Variants in DGKI observed in about 807,000 individuals in gnomAD.
The protein encoded by DGKI is diacylglycerol kinase iota.
Under a neutral mutation model 147.5 loss-of-function variants are expected in DGKI, and 55 were observed. That is an observed-to-expected ratio of 0.37 (90% confidence interval 0.30 to 0.47). The LOEUF is 0.47. Ranked by LOEUF, DGKI falls within the 20% of genes least tolerant of loss-of-function variation. The pLI, the probability that DGKI is intolerant of heterozygous loss-of-function variation, is 1.00. For missense variants in DGKI, 1,007 were observed against 1,323.8 expected (o/e 0.76, Z 3.71); for synonymous variants, 469 against 477.1 (o/e 0.98, Z 0.22).
intron 1 of DGKI, among the ~76,000 whole-genome samples, chr7:137,743,251 A>T (rs1490072556): frequency 6.6e-6 from 1 of 152,220 alleles, no homozygotes; most frequent in East Asian, 1.9e-4. Context: ...GAAATTCTGG[A>T]CTTAAATTGG....
chr7:137,663,545 T>C (rs894466500), intron 3 of DGKI, among the ~76,000 whole-genome samples: 1 of 152,216 alleles, frequency 6.6e-6, no homozygotes, highest in Non-Finnish European at 1.5e-5. Flanking sequence ...GCGGGACAAT[T>C]CCTGGGCTCC....
chr7:137,478,400 C>A (rs2128932450), intron 23 of DGKI, among the ~76,000 whole-genome samples: 1 of 152,270 alleles, frequency 6.6e-6, no homozygotes, highest in Middle Eastern at 3.4e-3. Context: ...ATTCCTGCAT[C>A]ACGTCTATCT....
chr7:137,731,887 G>T (rs1362213976), intron 1 of DGKI, among the ~76,000 whole-genome samples: 1 of 151,960 alleles, frequency 6.6e-6, no homozygotes, highest in South Asian at 2.1e-4. Flanking sequence ...GCTTGATCAG[G>T]ACCTCTAGAC....
intron 1 of DGKI, among the ~76,000 whole-genome samples, chr7:137,779,494 T>A (rs1796455378): frequency 6.6e-6 from 1 of 152,152 alleles, no homozygotes; most frequent in Non-Finnish European, 1.5e-5. Flanking sequence ...TTTTTGCTTA[T>A]AAAAATTACA....
intron 30 of DGKI, among the ~76,000 whole-genome samples, chr7:137,405,822 C>T (rs1278081800): frequency 1.3e-5 from 2 of 152,140 alleles, no homozygotes; most frequent in Non-Finnish European, 2.9e-5. Flanking sequence ...CTTCCACAGC[C>T]CTCCCAGCTG....
intron 15 of DGKI, among the ~76,000 whole-genome samples, chr7:137,578,665 G>T (rs1819071396): frequency 6.6e-6 from 1 of 152,178 alleles, no homozygotes; most frequent in East Asian, 1.9e-4. Context: ...CTCTCCAGGT[G>T]ATTCTCAAGC....
chr7:137,687,626 C>T (rs1177528124), intron 2 of DGKI, among the ~76,000 whole-genome samples: 1 of 152,178 alleles, frequency 6.6e-6, no homozygotes, highest in Non-Finnish European at 1.5e-5. Flanking sequence ...ATGCTTTACA[C>T]GATTGTAATA....
chr7:137,721,954 T>C, intron 1 of DGKI: 1 of 1,315,768 alleles, frequency 7.6e-7, no homozygotes, highest in Middle Eastern at 1.9e-4. Context: ...AGCTTAGAAG[T>C]ATAGCATAGT....
Position 137,609,536 on chromosome 7 carries a change from T to A in DGKI, c.1067A>T (p.Glu356Val). Residue 356 changes from glutamate to valine, a missense_variant and splice_region_variant, in exon 9 of 33, where the codon GAA becomes GTA. Transcript: ENST00000614521. ...AGAATAAAACTCTGAAACACTTACT[T>A]CCATCCCTCTTTTACTGGCTTTTCT... ...FKRKASKRGM[E>V]QENKGRPFVI... 3 of 1,609,372 alleles carry A rather than the reference T, an allele frequency of 1.9e-6. No individual in the cohort carries two copies. The highest frequency in any genetic ancestry group is 2.6e-6 in the Non-Finnish European group (3 of 1,175,914).
Position 137,587,206 on chromosome 7 carries a change from C to T in DGKI, c.1316G>A (p.Gly439Asp). The T allele has an allele frequency of 6.2e-7, 1 of 1,609,928 alleles. No individual in the cohort carries two copies. Among genetic ancestry groups the T allele is most frequent in the Non-Finnish European group, 8.5e-7 (1 of 1,178,554 alleles). ...ILACGGDGTVGWILSILDELQ... is the reference protein window; with the variant it reads ...ILACGGDGTVDWILSILDELQ... Reference sequence around the variant, plus strand: ...TTCATCCAGGATGGAAAGGATCCAGCCCACCTACAGGCGTATCGGGGGCCA... The same window carrying T: ...TTCATCCAGGATGGAAAGGATCCAGTCCACCTACAGGCGTATCGGGGGCCA... Residue 439 changes from glycine (G) to aspartate (D), a missense_variant, in exon 13 of 33, where the codon GGC becomes GAC. Coordinates refer to ENST00000614521, the MANE Select transcript of DGKI (RefSeq NM_001321708.2).
chr7:137,471,985 A>C (rs1814918570), intron 23 of DGKI, among the ~76,000 whole-genome samples: 1 of 139,264 alleles, frequency 7.2e-6, no homozygotes, highest in Admixed American at 7.5e-5. Context: ...GTATATATAC[A>C]TTATATTATA....
intron 1 of DGKI, among the ~76,000 whole-genome samples, chr7:137,730,404 G>A (rs1172776148): frequency 6.6e-6 from 1 of 152,006 alleles, no homozygotes; most frequent in Admixed American, 6.6e-5. Flanking sequence ...CACCTTTCAA[G>A]TCTTGTCATC....
intron 1 of DGKI, among the ~76,000 whole-genome samples, chr7:137,797,832 G>A: frequency 6.6e-6 from 1 of 151,780 alleles, no homozygotes. Flanking sequence ...TAAACCAAAA[G>A]CAAACAGAAG....
Position 137,707,892 on chromosome 7 carries a change from G to T in DGKI, c.402-17890C>A, listed in dbSNP as rs548304478. Among the ~76,000 whole-genome samples the T allele has an allele frequency of 2.6e-4, 40 of 152,296 alleles. No homozygotes were observed. In the South Asian group the frequency reaches 7.9e-3, roughly 30 times the overall value. ...GTTAATACCAGGATGGTAGCGTCAT[G>T]ATCCATTCTTCTAATACACAGGGAA... On this transcript the variant is annotated intron_variant, in intron 1 of 32. Coordinates refer to ENST00000614521, the MANE Select transcript of DGKI (RefSeq NM_001321708.2).
At chr7:137,452,979 G>A (rs1814032950) in intron 27 of DGKI, 1 of 152,192 alleles carries the variant, frequency 6.6e-6, no homozygotes, top group South Asian at 2.1e-4. Flanking sequence ...CTTGTCCTCT[G>A]TTACACTCCT....
Position 137,387,569 on chromosome 7 carries a change from T to C in DGKI, c.*3651A>G, listed in dbSNP as rs1464954176. On this transcript the variant is annotated 3_prime_UTR_variant, in exon 33 of 33. Coordinates refer to ENST00000614521, the MANE Select transcript of DGKI (RefSeq NM_001321708.2). ...ATATAAATAAATGTCTATATATGTG[T>C]GTAAATGTATATGCGTATATACATA... The C allele has an allele frequency of 6.6e-6, 1 of 152,198 alleles. No individual in the cohort carries two copies. The highest frequency in any genetic ancestry group is 1.5e-5 in the Non-Finnish European group (1 of 68,034). The allele number at this position is 152,198 out of a possible 1,614,324, so 9.4% of individuals were successfully genotyped here. A position where few individuals can be genotyped will look rare whatever the true frequency, so the allele number is the denominator to read the frequency against.
chr7:137,450,591 A>G (rs1272928917), intron 27 of DGKI, among the ~76,000 whole-genome samples: 1 of 151,976 alleles, frequency 6.6e-6, no homozygotes, highest in Admixed American at 6.6e-5. Context: ...GCGTGGTGGC[A>G]CGCGCCTATA....
Position 137,385,388 on chromosome 7 carries a change from TA to T in DGKI, c.*5831del, listed in dbSNP as rs938647853. 5.9e-5 allele frequency: 9 copies of T among 152,180 alleles called. No homozygotes were observed. The highest frequency in any genetic ancestry group is 1.9e-4 in the East Asian group (1 of 5,178). 9.4% of individuals were successfully genotyped at this position (152,180 alleles called of 1,614,324 possible). The stretch of plus-strand genomic sequence containing the variant: ...AAATCCTGCCATTCAACAAAGCCAT[TA>T]AAAAATATCTTTTGAAAAATCACAG... On this transcript the variant is annotated 3_prime_UTR_variant, in exon 33 of 33. Coordinates refer to ENST00000614521, the MANE Select transcript of DGKI (RefSeq NM_001321708.2).
At chr7:137,448,574 GAGGGAGGGAAGGA>G (rs1194075775) in intron 27 of DGKI, among the ~76,000 whole-genome samples, 1 of 111,354 alleles carries the variant, frequency 9.0e-6, no homozygotes, top group African/African-American at 3.5e-5. Flanking sequence ...AGAGAAGGAG[GAGGGAGGGAAGGA>G]AGGGAGGGAG....
Sources: gnomAD v4.1 joint callset for allele counts (sites outside exome capture counted in the v4.1 genomes callset) on GRCh38, gnomAD v4.1.1 for gene constraint, MANE v1.5 for transcripts, NCBI Gene and HGNC (gene_info 2026-07-23, HGNC 2026-07-21) for gene names.